Variants in SEMA6D observed in about 807,000 individuals in gnomAD.
SEMA6D encodes semaphorin-6D.
Under a neutral mutation model 106.6 loss-of-function variants are expected in SEMA6D, and 35 were observed. That is an observed-to-expected ratio of 0.33 (90% CI 0.25 to 0.44). The LOEUF (loss-of-function observed/expected upper bound fraction) is 0.44. SEMA6D is among the 20% of genes least tolerant of loss of function. The pLI is 1.00. For missense variants in SEMA6D, 1,185 were observed against 1,345.9 expected (o/e 0.88, Z 1.87); for synonymous variants, 499 against 487.7 (o/e 1.02, Z -0.31).
chr15:47,724,897 G>A lies in SEMA6D; in HGVS notation c.-55+7205G>A, dbSNP rs563128050. ...AAACCCGCACATCAGCTGCCAACTG[G>A]TTCAGTGATACACATGAACGTTGCA... On this transcript the variant is annotated intron_variant, in intron 1 of 18. Coordinates refer to ENST00000536845, the MANE Select transcript of SEMA6D (RefSeq NM_001358351.3). Among the ~76,000 whole-genome samples, 4 of 152,278 alleles carry A rather than the reference G, an allele frequency of 2.6e-5. No homozygotes were observed. In the South Asian group the frequency reaches 8.3e-4, roughly 32 times the overall value.
At chr15:47,244,165 CA>C (rs1359553816) in intron 1 of SEMA6D, among the ~76,000 whole-genome samples, 1 of 151,820 alleles carries the variant, frequency 6.6e-6, no homozygotes, top group Non-Finnish European at 1.5e-5. Context: ...TGGGAAGGGC[CA>C]TAAGAAGAGC....
intron 4 of SEMA6D, among the ~76,000 whole-genome samples, chr15:47,712,066 C>G (rs920584491): frequency 6.6e-6 from 1 of 152,128 alleles, no homozygotes; most frequent in African/African-American, 2.4e-5. Flanking sequence ...TCTTATTATT[C>G]TTTACAAGTG....
At chr15:47,756,630 G>GT in intron 1 of SEMA6D, among the ~76,000 whole-genome samples, 1 of 152,222 alleles carries the variant, frequency 6.6e-6, no homozygotes, top group Admixed American at 6.5e-5. Context: ...CAAGATCCAT[G>GT]TTTTTTTCCA....
At chr15:47,277,405 A>G (rs936515138) in intron 1 of SEMA6D, among the ~76,000 whole-genome samples, 2 of 152,002 alleles carry the variant, frequency 1.3e-5, no homozygotes, top group Admixed American at 6.6e-5. Flanking sequence ...TCTTATTTCA[A>G]GAAATTGGCA....
intron 2 of SEMA6D, among the ~76,000 whole-genome samples, chr15:47,419,613 C>T (rs889408010): frequency 1.3e-5 from 2 of 151,982 alleles, no homozygotes; most frequent in East Asian, 3.9e-4. Flanking sequence ...CTTTTATGCT[C>T]CTTGGTAAGA....
rs55719976 is a variant in SEMA6D, at chr15:47,348,727, C to CAG, written c.-238-63628_-238-63627dup. Among the ~76,000 whole-genome samples the CAG allele has an allele frequency of 4.8e-3, 274 of 57,098 alleles. 8 individuals are homozygous for CAG. Among genetic ancestry groups the CAG allele is most frequent in the African/African-American group, 9.9e-3 (200 of 20,200 alleles). The allele number at this position is 57,098 out of a possible 152,430, so 37.5% of individuals were successfully genotyped here. A position where few individuals can be genotyped will look rare whatever the true frequency, so the allele number is the denominator to read the frequency against. On this transcript the variant is annotated intron_variant, in intron 1 of 19. Coordinates refer to the SEMA6D transcript ENST00000558014. ...CACACACACACACACACCACACACA[C>CAG]AGAGAGAGAGAGAGAGAGAGAGAGA... is the stretch of plus-strand genomic sequence containing the variant.
At chr15:47,761,485 G>A (rs971621739) in intron 6 of SEMA6D, 54 bp downstream of exon 6, 1 of 1,428,342 alleles carries the variant, frequency 7.0e-7, no homozygotes, top group Non-Finnish European at 9.7e-7. Flanking sequence ...TCCCTTCACT[G>A]ATATGCTGTT....
chr15:47,585,017 C>T (rs1042640334), intron 3 of SEMA6D, among the ~76,000 whole-genome samples: 1 of 152,172 alleles, frequency 6.6e-6, no homozygotes, highest in Admixed American at 6.5e-5. Flanking sequence ...TGTATGAAGG[C>T]AGCAGGTGTC....
At chr15:47,306,148 A>AT (rs934846434) in intron 1 of SEMA6D, among the ~76,000 whole-genome samples, 1 of 151,304 alleles carries the variant, frequency 6.6e-6, no homozygotes, top group African/African-American at 2.4e-5. Flanking sequence ...TGCCCAACTA[A>AT]TTTTTTTGTA....
rs1460385201 is a variant in SEMA6D at position 47,770,811 on chromosome 15, C to T, written c.2248C>T (p.Pro750Ser). 3.1e-6 allele frequency: 5 copies of T among 1,614,010 alleles called. No homozygotes were observed. The highest frequency in any genetic ancestry group is 4.2e-6 in the Non-Finnish European group (5 of 1,179,970). Residue 750 changes from proline to serine, a missense_variant, in exon 19 of 19, where the codon CCC (proline) becomes TCC (serine). By Grantham distance (74) the Pro-to-Ser change is moderately conservative (BLOSUM62 -1). This residue lies in a region of SEMA6D where 750 missense variants were observed against 783.5 expected (regional missense o/e 0.96). Transcript: ENST00000536845. ...NLLTSRKELPPNGDTKSMVMD... is the reference protein window; with the variant it reads ...NLLTSRKELPSNGDTKSMVMD... ...GCTAACCAGTCGGAAAGAGCTACCA[C>T]CCAATGGAGATACTAAATCCATGGT...
intron 1 of SEMA6D, among the ~76,000 whole-genome samples, chr15:47,407,393 ACAACAACAACAACAAC>A (rs1567058091): frequency 7.1e-6 from 1 of 140,742 alleles, no homozygotes. Flanking sequence ...AAAAACCAAA[ACAACAACAACAACAAC>A]AAAAAAAACA....
At chr15:47,658,834 A>G (rs1346643713) in intron 4 of SEMA6D, among the ~76,000 whole-genome samples, 1 of 152,068 alleles carries the variant, frequency 6.6e-6, no homozygotes, top group Non-Finnish European at 1.5e-5. Flanking sequence ...AGATCCACAA[A>G]CACACACACA....
At chr15:47,317,390 G>A (rs28768453) in intron 1 of SEMA6D, among the ~76,000 whole-genome samples, 8,837 of 152,078 alleles carry the variant, frequency 0.058, 727 homozygotes, top group African/African-American at 0.18. Flanking sequence ...TCTGTTGCCT[G>A]TTAGATCAAT....
At chr15:47,626,853 C>T (rs1213732135) in intron 4 of SEMA6D, among the ~76,000 whole-genome samples, 1 of 151,854 alleles carries the variant, frequency 6.6e-6, no homozygotes, top group Non-Finnish European at 1.5e-5. Context: ...TGGGGATGTT[C>T]CAAAATGCAT....
At chr15:47,656,523 A>G (rs1176273252) in intron 4 of SEMA6D, among the ~76,000 whole-genome samples, 1 of 152,206 alleles carries the variant, frequency 6.6e-6, no homozygotes, top group East Asian at 1.9e-4. Context: ...TCAAATAGCA[A>G]TGAACACACT....
At chr15:47,445,015 A>G (rs1412243459) in intron 2 of SEMA6D, among the ~76,000 whole-genome samples, 1 of 152,002 alleles carries the variant, frequency 6.6e-6, no homozygotes, top group Non-Finnish European at 1.5e-5. Flanking sequence ...ATGGAGTGGG[A>G]AGATGATTTT....
At chr15:47,421,898 T>C (rs1276046301) in intron 2 of SEMA6D, among the ~76,000 whole-genome samples, 1 of 152,080 alleles carries the variant, frequency 6.6e-6, no homozygotes, top group Non-Finnish European at 1.5e-5. Flanking sequence ...TTTTCTAGAA[T>C]CTATAAATAA....
chr15:47,251,301 T>A (rs981656153), intron 1 of SEMA6D, among the ~76,000 whole-genome samples: 1 of 152,212 alleles, frequency 6.6e-6, no homozygotes, highest in African/African-American at 2.4e-5. Flanking sequence ...GGCAGATTCG[T>A]CATCAGGAAA....
intron 4 of SEMA6D, among the ~76,000 whole-genome samples, chr15:47,661,725 G>T (rs755040983): frequency 6.6e-6 from 1 of 152,214 alleles, no homozygotes; most frequent in Non-Finnish European, 1.5e-5. Context: ...AAGCAAAACC[G>T]CGTTGCCTAG....
Sources: gnomAD v4.1 joint callset for allele counts (sites outside exome capture counted in the v4.1 genomes callset) on GRCh38, gnomAD v4.1.1 for gene constraint, gnomAD v4.1.1 regional missense constraint, MANE v1.5 for transcripts, NCBI Gene and HGNC (gene_info 2026-07-23, HGNC 2026-07-21) for gene names.